Variants in HEATR9 observed in about 807,000 individuals in gnomAD.
HEATR9 encodes HEAT repeat containing 9.
HEATR9 carries 54 observed loss-of-function variants against 68.2 expected under a neutral mutation model. The ratio of observed to expected loss-of-function variants is 0.79; its 90% CI spans 0.64 to 0.99. HEATR9 has a LOEUF of 0.99. Among genes scored for constraint, HEATR9 ranks in the 50% least tolerant of loss-of-function variants. The pLI is 0.00. For synonymous variants in HEATR9, 241 were observed against 253.5 expected, an observed-to-expected ratio of 0.95 and a Z score of 0.47; for missense variants, 662 against 679.7, an observed-to-expected ratio of 0.97 and a Z score of 0.29.
chr17:35,855,261 C>T lies in HEATR9; in HGVS notation c.1515G>A (p.Glu505=), dbSNP rs139556395. ...CAAGTCGAAAGTCTTGAATAGTTAA[C>T]TCTTCTGGGTTCTCAGGCTCTTTCT... is the stretch of plus-strand genomic sequence containing the variant. ...RFQKEPENPE[E]LTIQDFRLAK... is the part of the protein sequence containing the mutation. Residue 505 remains glutamate (E), a synonymous_variant, in exon 15 of 15, where the codon GAG becomes GAA. Coordinates refer to ENST00000604834, the MANE Select transcript of HEATR9 (RefSeq NM_152781.4). 51 of 1,614,204 alleles carry T rather than the reference C, an allele frequency of 3.2e-5. No individual in the cohort carries two copies. The African/African-American group carries it at 6.5e-4, about 21-fold the overall frequency.
In HEATR9 at chr17:35,863,397, A is replaced by G; in HGVS notation, c.625+105T>C. The G allele has an allele frequency of 1.6e-6, 2 of 1,274,190 alleles. 1 individual carries two copies. The highest frequency in any genetic ancestry group is 2.4e-5 in the South Asian group (2 of 83,160). The allele number at this position is 1,274,190 out of a possible 1,614,324, so 78.9% of individuals were successfully genotyped here. A position where few individuals can be genotyped will look rare whatever the true frequency, so the allele number is the denominator to read the frequency against. ...TGGGATAGTTCTCAGGCCTTGCCAA[A>G]TGGTAGGTTGGAGCAAGTGTATGCT... is the stretch of plus-strand genomic sequence containing the variant. On this transcript the variant is annotated intron_variant, in intron 7 of 14. Coordinates refer to ENST00000604834, the MANE Select transcript of HEATR9 (RefSeq NM_152781.4).
At chr17:35,858,643 T>C (rs1249485105) in intron 9 of HEATR9, 118 bp from the exon 10 acceptor site, 6 of 945,848 alleles carry the variant, frequency 6.3e-6, no homozygotes, top group Non-Finnish European at 9.6e-6. Context: ...TTTTTCTGCC[T>C]CTTCGCCTCT....
chr17:35,864,441 C>A, intron 5 of HEATR9, 56 bp downstream of exon 5: 1 of 1,592,214 alleles, frequency 6.3e-7, no homozygotes, highest in Admixed American at 1.7e-5. Context: ...TTTTTACTTT[C>A]CAGCTTGGCC....
chr17:35,855,441 T>C (rs779690562), intron 14 of HEATR9, 31 bp from the exon 15 acceptor site: 3 of 1,587,806 alleles, frequency 1.9e-6, no homozygotes, highest in Non-Finnish European at 2.6e-6. Flanking sequence ...TAGTGCTGGC[T>C]CACTTTGGGT....
Position 35,868,787 on chromosome 17 carries a change from CA to C in HEATR9, c.-46del. 1 of 1,588,968 alleles carries C rather than the reference CA, an allele frequency of 6.3e-7. No individual in the cohort carries two copies. On this transcript the variant is annotated 5_prime_UTR_variant, in exon 1 of 15. Coordinates refer to ENST00000604834, the MANE Select transcript of HEATR9 (RefSeq NM_152781.4). ...CAGAGGGAACCTGCAGGGGGGAATA[CA>C]AGGCTTTTAGGGGAGTGGGGGCACA...
At chr17:35,856,363 A>C in intron 12 of HEATR9, 139 bp from the exon 13 acceptor site, 1 of 1,589,444 alleles carries the variant, frequency 6.3e-7, no homozygotes, top group South Asian at 1.1e-5. Flanking sequence ...TGTTTCTTGG[A>C]TCAGAAAAGG....
chr17:35,857,718 C>T (rs1242903187), intron 11 of HEATR9, among the ~76,000 whole-genome samples: 1 of 151,710 alleles, frequency 6.6e-6, no homozygotes, highest in Non-Finnish European at 1.5e-5. Context: ...AAGATCGCGC[C>T]ACTGCACTCC....
chr17:35,864,203 C>A, intron 6 of HEATR9, 43 bp downstream of exon 6: 1 of 1,541,700 alleles, frequency 6.5e-7, no homozygotes. Context: ...CATCTCAGAC[C>A]CTGTTTCCTT....
In HEATR9 at chr17:35,864,349, C is replaced by T. The variant is rs1404019856; in HGVS notation, c.511-47G>A. On this transcript the variant is annotated intron_variant, in intron 5 of 14. Coordinates refer to ENST00000604834, the MANE Select transcript of HEATR9 (RefSeq NM_152781.4). ...AAAGAGAAGGAAACTTGGACATCAT[C>T]CCCAGGAGTTACCATTCTCTGGATA... The T allele has an allele frequency of 3.2e-6, 5 of 1,554,948 alleles. No homozygotes were observed. In the South Asian group the frequency reaches 5.6e-5, roughly 17 times the overall value.
intron 8 of HEATR9, chr17:35,861,056 AG>A: frequency 1.2e-6 from 1 of 825,010 alleles, no homozygotes; most frequent in Admixed American, 1.8e-5. Context: ...AAAAAAAAAA[AG>A]AAATGGTTAC....
chr17:35,858,588 A>G, intron 9 of HEATR9, 63 bp from the exon 10 acceptor site: 2 of 1,446,614 alleles, frequency 1.4e-6, no homozygotes, highest in Non-Finnish European at 1.9e-6. Context: ...GGCCAGGTGG[A>G]CTTGAGGTCT....
intron 8 of HEATR9, chr17:35,861,513 G>A: frequency 9.5e-7 from 1 of 1,052,696 alleles, no homozygotes; most frequent in Admixed American, 1.7e-5. Flanking sequence ...CAAACATCAT[G>A]TCATGGCTGG....
intron 12 of HEATR9, among the ~76,000 whole-genome samples, chr17:35,856,525 T>C (rs937209010): frequency 6.6e-6 from 1 of 152,230 alleles, no homozygotes; most frequent in Non-Finnish European, 1.5e-5. Context: ...GTAGGTATTA[T>C]TACTCTTTCT....
chr17:35,856,825 A>C lies in HEATR9; in HGVS notation c.1153-20T>G, dbSNP rs1319647610. ...CACAGCCTGCAGAGGGATCAAAATG[A>C]GTCAACAGAGAGAGGGAATGCAAGG... On this transcript the variant is annotated intron_variant, in intron 11 of 14. Transcript: ENST00000604834. 1 of 1,587,136 alleles carries C rather than the reference A, an allele frequency of 6.3e-7. No individual in the cohort carries two copies. The highest frequency in any genetic ancestry group is 8.6e-7 in the Non-Finnish European group (1 of 1,164,654).
At chr17:35,861,096 C>T (rs546779647) in intron 8 of HEATR9, 8 of 1,012,396 alleles carry the variant, frequency 7.9e-6, no homozygotes, top group Admixed American at 1.7e-5. Flanking sequence ...TCCTCTTGTC[C>T]ACATCCTCTT....
intron 11 of HEATR9, 113 bp from the exon 12 acceptor site, chr17:35,856,918 T>C: frequency 4.2e-6 from 4 of 956,720 alleles, no homozygotes; most frequent in Non-Finnish European, 6.5e-6. Context: ...GTCCCTGCCT[T>C]AAGGAGCTCA....
intron 7 of HEATR9, 82 bp downstream of exon 7, chr17:35,863,420 G>A: frequency 2.1e-6 from 3 of 1,410,774 alleles, no homozygotes; most frequent in Non-Finnish European, 3.0e-6. Flanking sequence ...GCAAGTGTAT[G>A]CTCCTCACCC....
At chr17:35,856,458 AAAAAAGTTCTTTTCAT>A in intron 12 of HEATR9, 2 of 1,213,942 alleles carry the variant, frequency 1.6e-6, no homozygotes, top group Non-Finnish European at 2.3e-6. Context: ...TATCTTTTTA[AAAAAAGTTCTTTTCAT>A]GTCATAATTT....
At chr17:35,858,765 CA>C in intron 9 of HEATR9, 122 bp downstream of exon 9, 1 of 1,109,770 alleles carries the variant, frequency 9.0e-7, no homozygotes, top group South Asian at 1.4e-5. Flanking sequence ...CATACATGGA[CA>C]TAGTCATAAG....
Sources: gnomAD v4.1 joint callset for allele counts (sites outside exome capture counted in the v4.1 genomes callset) on GRCh38, gnomAD v4.1.1 for gene constraint, MANE v1.5 for transcripts, NCBI Gene and HGNC (gene_info 2026-07-23, HGNC 2026-07-21) for gene names.